The following ERN1 variants were observed in gnomAD, a reference collection of about 807,000 sequenced individuals.
ERN1 encodes endoplasmic reticulum to nucleus signaling 1.
In ERN1, 39 loss-of-function variants were observed where a neutral mutation model predicts 113.1. That is an observed-to-expected ratio of 0.34 (90% CI 0.27 to 0.45). The LOEUF is 0.45. Among genes scored for constraint, ERN1 ranks in the 20% least tolerant of loss-of-function variants. The probability of loss-of-function intolerance (pLI) is 1.00; values close to 1 mark genes in which losing one functional copy is unlikely to be tolerated. For synonymous variants in ERN1, 507 were observed against 515.9 expected (o/e 0.98, Z 0.23); for missense variants, 976 against 1,274.8 (o/e 0.77, Z 3.57).
intron 1 of ERN1, among the ~76,000 whole-genome samples, chr17:64,106,043 A>AAT (rs1914518386): frequency 6.6e-6 from 1 of 152,208 alleles, no homozygotes. Context: ...AATATCATAC[A>AAT]ATACCATGTG....
intron 6 of ERN1, among the ~76,000 whole-genome samples, chr17:64,070,718 G>C (rs953337508): frequency 6.6e-6 from 1 of 152,194 alleles, no homozygotes; most frequent in Non-Finnish European, 1.5e-5. Context: ...CCTAAATGTA[G>C]TGCTCAATTG....
Position 64,043,736 on chromosome 17 carries a change from C to T in ERN1, c.*252G>A, listed in dbSNP as rs1912413362. 1 of 388,922 alleles carries T rather than the reference C, an allele frequency of 2.6e-6. No homozygotes were observed. Among genetic ancestry groups the T allele is most frequent in the Non-Finnish European group, 4.6e-6 (1 of 219,262 alleles). 24.1% of individuals were successfully genotyped at this position (388,922 alleles called of 1,614,324 possible). ...TGCTACTCGCGCTGTCTCTGAGGCC[C>T]TCCTTTGCAGACATCATGACCGTAA... On this transcript the variant is annotated 3_prime_UTR_variant, in exon 22 of 22. Coordinates refer to ENST00000433197, the MANE Select transcript of ERN1 (RefSeq NM_001433.5).
chr17:64,111,158 T>C (rs1244023181), intron 1 of ERN1, among the ~76,000 whole-genome samples: 1 of 152,238 alleles, frequency 6.6e-6, no homozygotes, highest in East Asian at 1.9e-4. Flanking sequence ...AGTTTGTTTT[T>C]ATTTTTTACA....
intron 11 of ERN1, among the ~76,000 whole-genome samples, 172 bp downstream of exon 11, chr17:64,060,297 C>T (rs1006827536): frequency 6.6e-6 from 1 of 152,186 alleles, no homozygotes; most frequent in Non-Finnish European, 1.5e-5. Context: ...CAAGTTGCTT[C>T]CTATTCCTCT....
chr17:64,128,161 ATTTT>A (rs760752335), intron 1 of ERN1, among the ~76,000 whole-genome samples: 1 of 126,400 alleles, frequency 7.9e-6, no homozygotes, highest in African/African-American at 3.2e-5. Context: ...CGCCCGGCTA[ATTTT>A]TTTTTTTTTT....
intron 5 of ERN1, among the ~76,000 whole-genome samples, chr17:64,072,622 A>G (rs888644678): frequency 5.9e-5 from 9 of 152,264 alleles, no homozygotes; most frequent in Non-Finnish European, 7.3e-5. Context: ...GTTGGTTGCA[A>G]CCTGATGCTA....
intron 1 of ERN1, among the ~76,000 whole-genome samples, chr17:64,117,278 A>G (rs1914833323): frequency 6.6e-6 from 1 of 151,912 alleles, no homozygotes; most frequent in South Asian, 2.1e-4. Flanking sequence ...CCCCGTCTCT[A>G]CTAAAAATAC....
At chr17:64,086,251 C>T (rs1029882048) in intron 2 of ERN1, among the ~76,000 whole-genome samples, 16 of 152,220 alleles carry the variant, frequency 1.1e-4, no homozygotes, top group East Asian at 7.7e-4. Context: ...AGATACAGAA[C>T]ATTTCCATCA....
At chr17:64,099,910 G>A (rs1914337850) in intron 1 of ERN1, among the ~76,000 whole-genome samples, 1 of 152,192 alleles carries the variant, frequency 6.6e-6, no homozygotes, top group Admixed American at 6.5e-5. Flanking sequence ...ATGGGAGAAA[G>A]GACAGTAAGC....
At chr17:64,079,376 C>A (rs1913696445) in intron 4 of ERN1, among the ~76,000 whole-genome samples, 1 of 152,154 alleles carries the variant, frequency 6.6e-6, no homozygotes, top group African/African-American at 2.4e-5. Flanking sequence ...CCAGTTAGAG[C>A]AAACCCTGTT....
intron 1 of ERN1, among the ~76,000 whole-genome samples, chr17:64,099,916 T>TAA (rs1166050713): frequency 6.6e-6 from 1 of 152,222 alleles, no homozygotes; most frequent in African/African-American, 2.4e-5. Context: ...GAAAGGACAG[T>TAA]AAGCTGTGTT....
intron 1 of ERN1, among the ~76,000 whole-genome samples, chr17:64,114,837 G>A (rs543639147): frequency 5.2e-4 from 79 of 152,204 alleles, no homozygotes; most frequent in African/African-American, 1.9e-3. Flanking sequence ...TTGCCTAGCT[G>A]GTTTACAGCT....
At chr17:64,129,050 T>G (rs1480652841) in intron 1 of ERN1, 1 of 151,924 alleles carries the variant, frequency 6.6e-6, no homozygotes. Context: ...GCTCACATCC[T>G]GAACAATACA....
At position 64,049,711 on chromosome 17, in the gene ERN1, G is replaced by A. The variant is rs1259773878; in HGVS notation, c.2254-509C>T. On this transcript the variant is annotated intron_variant, in intron 17 of 21. Transcript: ENST00000433197. The surrounding 1 kb of genome is among the most constrained non-coding windows in gnomAD (Gnocchi z 4.7). ...AGCTTATGATTCAAAAACAGCCCTA[G>A]AAAGAAACTATCTGACAAGTTACCA... 6.6e-6 allele frequency among the ~76,000 whole-genome samples: 1 copy of A among 152,170 alleles called. No individual in the cohort carries two copies. The highest frequency in any genetic ancestry group is 1.5e-5 in the Non-Finnish European group (1 of 68,040).
At chr17:64,105,947 C>G (rs1467676341) in intron 1 of ERN1, among the ~76,000 whole-genome samples, 2 of 137,292 alleles carry the variant, frequency 1.5e-5, no homozygotes, top group Non-Finnish European at 3.2e-5. Flanking sequence ...GCGACAAGAG[C>G]AAAACTCCAA....
intron 7 of ERN1, chr17:64,067,714 T>C (rs1267244207): frequency 6.5e-6 from 1 of 154,104 alleles, no homozygotes; most frequent in South Asian, 2.0e-4. Flanking sequence ...ATATTCTAGG[T>C]CCTTGACAAG....
chr17:64,084,541 T>C (rs1207459697), intron 2 of ERN1, among the ~76,000 whole-genome samples: 4 of 150,574 alleles, frequency 2.7e-5, no homozygotes. Flanking sequence ...AAAAAAAAAA[T>C]AGAGATAACA....
chr17:64,048,068 C>T, intron 18 of ERN1, 83 bp from the exon 19 acceptor site: 1 of 1,204,470 alleles, frequency 8.3e-7, no homozygotes, highest in Non-Finnish European at 1.1e-6. Context: ...AGCTGCACAC[C>T]CTCTCATTTA....
Position 64,065,293 on chromosome 17 carries a change from AG to A in ERN1, c.843-7del. 15 of 1,588,748 alleles carry A rather than the reference AG, an allele frequency of 9.4e-6. No homozygotes were observed. Among genetic ancestry groups the A allele is most frequent in the Non-Finnish European group, 1.3e-5 (15 of 1,164,948 alleles). On this transcript the variant is annotated splice_polypyrimidine_tract_variant and splice_region_variant and intron_variant, in intron 8 of 21. Coordinates refer to ENST00000433197, the MANE Select transcript of ERN1 (RefSeq NM_001433.5). ...TCCCAACATACAGAGTGGGCCTAGGAGAAAAACAGATACATGCATTCCAGAG... is the reference window on the plus strand; with the variant it reads ...TCCCAACATACAGAGTGGGCCTAGGAAAAAACAGATACATGCATTCCAGAG...
Sources: gnomAD v4.1 joint callset for allele counts (sites outside exome capture counted in the v4.1 genomes callset) on GRCh38, gnomAD v4.1.1 for gene constraint, Gnocchi (gnomAD v3.1) non-coding constraint, MANE v1.5 for transcripts, NCBI Gene and HGNC (gene_info 2026-07-23, HGNC 2026-07-21) for gene names.